Variants in RHOG observed in about 807,000 individuals in gnomAD.
RHOG encodes the protein ras homolog family member G, also known as rho-related GTP-binding protein RhoG.
RHOG carries 1 observed loss-of-function variant against 12.3 expected under a neutral mutation model. The observed-to-expected ratio is 0.08, with a 90% CI of 0.03 to 0.39. RHOG has a LOEUF of 0.39. RHOG is among the 10% of genes least tolerant of loss of function. The probability of loss-of-function intolerance (pLI) is 0.99; values close to 1 mark genes in which losing one functional copy is unlikely to be tolerated. For missense variants in RHOG, 114 were observed against 266.2 expected, an observed-to-expected ratio of 0.43 and a Z score of 3.98; for synonymous variants, 129 against 116.0, an observed-to-expected ratio of 1.11 and a Z score of -0.72.
At chr11:3,832,563 C>T (rs1424185050) in intron 1 of RHOG, among the ~76,000 whole-genome samples, 2 of 152,164 alleles carry the variant, frequency 1.3e-5, no homozygotes, top group African/African-American at 2.4e-5. Flanking sequence ...AAGTGCTGTA[C>T]ACACAGGAGG....
intron 1 of RHOG, among the ~76,000 whole-genome samples, chr11:3,837,175 G>A (rs898853888): frequency 6.6e-6 from 1 of 152,156 alleles, no homozygotes; most frequent in South Asian, 2.1e-4. Context: ...AATACCCACA[G>A]AGAGACCCAG....
intron 1 of RHOG, among the ~76,000 whole-genome samples, chr11:3,838,805 T>C (rs1361514610): frequency 1.3e-5 from 2 of 152,098 alleles, no homozygotes; most frequent in African/African-American, 4.8e-5. Flanking sequence ...CCCCAAAAGC[T>C]TGAGGATGGA....
intron 1 of RHOG, among the ~76,000 whole-genome samples, chr11:3,834,759 G>A (rs1277812057): frequency 3.3e-5 from 5 of 152,206 alleles, no homozygotes; most frequent in Non-Finnish European, 7.3e-5. Flanking sequence ...TACAGCAGGG[G>A]AAGTGTCCCA....
chr11:3,839,485 AACACACACACACACACACACACAC>A (rs71041402), intron 1 of RHOG, among the ~76,000 whole-genome samples: 10 of 141,998 alleles, frequency 7.0e-5, no homozygotes, highest in African/African-American at 2.6e-4. Context: ...CGCGCGCGCG[AACACACACACACACACACACACAC>A]ACACACACAC....
intron 1 of RHOG, among the ~76,000 whole-genome samples, chr11:3,835,540 G>A (rs1209647636): frequency 2.0e-5 from 3 of 152,186 alleles, no homozygotes; most frequent in African/African-American, 7.2e-5. Flanking sequence ...CACAGACTCT[G>A]ATGCTGGGAA....
intron 1 of RHOG, among the ~76,000 whole-genome samples, chr11:3,833,598 T>G (rs1221807450): frequency 1.3e-5 from 2 of 152,218 alleles, no homozygotes; most frequent in African/African-American, 4.8e-5. Context: ...TGTGTGACCC[T>G]GAGCTTCTGA....
At chr11:3,833,548 G>A (rs7126968) in intron 1 of RHOG, among the ~76,000 whole-genome samples, 1,920 of 152,242 alleles carry the variant, frequency 0.013, 56 homozygotes, top group African/African-American at 0.044. Context: ...TTAGAGTTAC[G>A]TAGACTTGGG....
chr11:3,839,352 C>A (rs990052820), intron 1 of RHOG, among the ~76,000 whole-genome samples: 1 of 152,130 alleles, frequency 6.6e-6, no homozygotes, highest in Admixed American at 6.6e-5. Context: ...CTTCCTCCTG[C>A]CTAACCACAA....
chr11:3,828,236 G>T, intron 1 of RHOG, 30 bp from the exon 2 acceptor site: 1 of 1,134,344 alleles, frequency 8.8e-7, no homozygotes, highest in Non-Finnish European at 1.3e-6. Context: ...GACATTCTTG[G>T]TTAGGGAGGC....
At position 3,836,902 on chromosome 11, in the gene RHOG, C is replaced by CAAAAAAAAAAAAAAAAAA. The variant is rs57344316; in HGVS notation, c.-69+3974_-69+3991dup. On this transcript the variant is annotated intron_variant, in intron 1 of 1. Transcript: ENST00000351018. ...TGGGTGACAGAGCAAGACTCCATCT[C>CAAAAAAAAAAAAAAAAAA]AAAAAAAAAAAAAAAAAAAAAAAAA... 5.8e-4 allele frequency among the ~76,000 whole-genome samples: 17 copies of CAAAAAAAAAAAAAAAAAA among 29,252 alleles called. 3 individuals are homozygous for CAAAAAAAAAAAAAAAAAA. Among genetic ancestry groups the CAAAAAAAAAAAAAAAAAA allele is most frequent in the African/African-American group, 1.1e-3 (6 of 5,228 alleles). The allele number at this position is 29,252 out of a possible 152,430, so 19.2% of individuals were successfully genotyped here. A position where few individuals can be genotyped will look rare whatever the true frequency, so the allele number is the denominator to read the frequency against.
intron 1 of RHOG, among the ~76,000 whole-genome samples, chr11:3,838,361 A>G (rs1416616079): frequency 6.6e-6 from 1 of 152,200 alleles, no homozygotes; most frequent in Non-Finnish European, 1.5e-5. Context: ...TGTCTCACCC[A>G]TCTTGTCTTT....
Position 3,827,414 on chromosome 11 carries a change from GAA to G in RHOG, c.*147_*148del, listed in dbSNP as rs774372954. On this transcript the variant is annotated 3_prime_UTR_variant, in exon 2 of 2. Coordinates refer to ENST00000351018, the MANE Select transcript of RHOG (RefSeq NM_001665.4). This position sits in a 1 kb window ranked among gnomAD's most constrained non-coding sequence, Gnocchi z 7.3. ...CTTTCTCTGCAGGCCTCCTTAAGGA[GAA>G]AAAGGCACTCAGAGAAAAAGGCATT... is the stretch of plus-strand genomic sequence containing the variant. 3 of 654,584 alleles carry G rather than the reference GAA, an allele frequency of 4.6e-6. No homozygotes were observed. Among genetic ancestry groups the G allele is most frequent in the Non-Finnish European group, 7.8e-6 (3 of 384,106 alleles). The allele number at this position is 654,584 out of a possible 1,614,324, so 40.5% of individuals were successfully genotyped here.
At chr11:3,828,782 G>A (rs892895778) in intron 1 of RHOG, among the ~76,000 whole-genome samples, 27 of 151,716 alleles carry the variant, frequency 1.8e-4, no homozygotes, top group South Asian at 1.7e-3. Flanking sequence ...CACCACGCCC[G>A]GCTAATTTTT....
chr11:3,834,545 G>A (rs1288524289), intron 1 of RHOG, among the ~76,000 whole-genome samples: 1 of 152,210 alleles, frequency 6.6e-6, no homozygotes, highest in Non-Finnish European at 1.5e-5. Context: ...AGCTATGCCT[G>A]AAATAGGCAA....
At chr11:3,836,902 C>CAAAAAAAAAAAAAAAAAAAAAAAA (rs57344316) in intron 1 of RHOG, among the ~76,000 whole-genome samples, 4 of 29,252 alleles carry the variant, frequency 1.4e-4, no homozygotes, top group African/African-American at 5.7e-4. Flanking sequence ...GACTCCATCT[C>CAAAAAAAAAAAAAAAAAAAAAAAA]AAAAAAAAAA....
At chr11:3,834,740 T>C (rs2090147713) in intron 1 of RHOG, among the ~76,000 whole-genome samples, 1 of 152,130 alleles carries the variant, frequency 6.6e-6, no homozygotes, top group Non-Finnish European at 1.5e-5. Context: ...GCCAGATCTC[T>C]GTGGCTGTTA....
chr11:3,839,311 T>C (rs2090175217), intron 1 of RHOG, among the ~76,000 whole-genome samples: 1 of 152,142 alleles, frequency 6.6e-6, no homozygotes, highest in South Asian at 2.1e-4. Flanking sequence ...GTCTTATTCC[T>C]GTGTCACCCT....
chr11:3,832,183 G>A (rs2090133591), intron 1 of RHOG, among the ~76,000 whole-genome samples: 3 of 152,284 alleles, frequency 2.0e-5, no homozygotes, highest in South Asian at 2.1e-4. Context: ...TATGGTATAA[G>A]CCTTTATAGG....
chr11:3,828,339 G>A lies in RHOG; in HGVS notation c.-68-133C>T, dbSNP rs1054101116. On this transcript the variant is annotated intron_variant, in intron 1 of 1. Transcript: ENST00000351018. Reference sequence around the variant, plus strand: ...CACTATCCCAAAGTCCCATCAAGACGGTCATCAGAAAGACACACAATGAAA... The same window carrying A: ...CACTATCCCAAAGTCCCATCAAGACAGTCATCAGAAAGACACACAATGAAA... The A allele has an allele frequency of 5.4e-5, 32 of 589,766 alleles. No homozygotes were observed. In the South Asian group the frequency reaches 5.6e-4, roughly 10 times the overall value. 36.5% of individuals were successfully genotyped at this position (589,766 alleles called of 1,614,324 possible). A position where few individuals can be genotyped will look rare whatever the true frequency, so the allele number is the denominator to read the frequency against.
Sources: gnomAD v4.1 joint callset for allele counts (sites outside exome capture counted in the v4.1 genomes callset) on GRCh38, gnomAD v4.1.1 for gene constraint, Gnocchi (gnomAD v3.1) non-coding constraint, MANE v1.5 for transcripts, NCBI Gene and HGNC (gene_info 2026-07-23, HGNC 2026-07-21) for gene names.